NBAS: variants seen among roughly 807,000 people sequenced by gnomAD.
NBAS encodes NBAS subunit of NRZ tethering complex, also known as NAG/BC035112 fusion.
NBAS carries 219 observed loss-of-function variants against 302.5 expected under a neutral mutation model. The observed-to-expected ratio is 0.72, with a 90% confidence interval of 0.65 to 0.81. The LOEUF (loss-of-function observed/expected upper bound fraction) is 0.81. Ranked by LOEUF, NBAS falls within the 30% of genes least tolerant of loss-of-function variation. The probability of loss-of-function intolerance (pLI) is 0.00; values close to 1 mark genes in which losing one functional copy is unlikely to be tolerated. For synonymous variants in NBAS, 1,118 were observed against 1,021.6 expected (o/e 1.09, Z -1.80); for missense variants, 2,932 against 2,841.6 (o/e 1.03, Z -0.72).
At chr2:14,918,141 T>G in the NBAS span, among the ~76,000 whole-genome samples, 1 of 152,142 alleles carries the variant, frequency 6.6e-6, no homozygotes, top group South Asian at 2.1e-4. Flanking sequence ...CCCTGTTATC[T>G]ATCCTGAAGT....
At chr2:15,518,310 GA>G (rs1205947900) in intron 9 of NBAS, among the ~76,000 whole-genome samples, 25 of 152,000 alleles carry the variant, frequency 1.6e-4, no homozygotes, top group Admixed American at 1.4e-3. Context: ...ATAATTATTA[GA>G]TTTTTTTAAG....
intron 38 of NBAS, among the ~76,000 whole-genome samples, chr2:15,311,691 A>G (rs193296913): frequency 9.8e-5 from 15 of 152,322 alleles, no homozygotes; most frequent in African/African-American, 3.6e-4. Context: ...CTGCTTCTCA[A>G]CGAGCACTCA....
chr2:14,804,879 A>G, the NBAS span, among the ~76,000 whole-genome samples: 1 of 152,254 alleles, frequency 6.6e-6, no homozygotes, highest in Non-Finnish European at 1.5e-5. Flanking sequence ...AAAGATATTT[A>G]AAATTATTAA....
rs1054920179 is a variant in NBAS at position 15,287,985 on chromosome 2, A to G, written c.5028-802T>C. Among the ~76,000 whole-genome samples the G allele has an allele frequency of 4.0e-5, 6 of 150,340 alleles. No homozygotes were observed. The East Asian group carries it at 6.1e-4, about 15-fold the overall frequency. On this transcript the variant is annotated intron_variant, in intron 41 of 51. Transcript: ENST00000281513. The stretch of plus-strand genomic sequence containing the variant: ...GAGCACCGTGCGTAGGCAGCCCCGC[A>G]TGGGCATCCCGAGCACCCAGCGTGG...
At chr2:14,819,736 T>C in the NBAS span, among the ~76,000 whole-genome samples, 2 of 152,156 alleles carry the variant, frequency 1.3e-5, no homozygotes, top group African/African-American at 4.8e-5. Flanking sequence ...ACCCACAGAA[T>C]GGGAGAAAAT....
intron 26 of NBAS, 63 bp from the exon 27 acceptor site, chr2:15,396,538 T>C: frequency 1.8e-6 from 2 of 1,130,444 alleles, no homozygotes; most frequent in Non-Finnish European, 2.5e-6. Context: ...TTAAATAAAA[T>C]ACAAAACTTA....
chr2:15,110,188 T>C, the NBAS span, among the ~76,000 whole-genome samples: 1 of 152,044 alleles, frequency 6.6e-6, no homozygotes, highest in Non-Finnish European at 1.5e-5. Context: ...GCTCAGGACA[T>C]GCAGGCACCA....
At chr2:15,121,234 A>G in the NBAS span, among the ~76,000 whole-genome samples, 591 of 152,302 alleles carry the variant, frequency 3.9e-3, 2 homozygotes, top group African/African-American at 0.014. Flanking sequence ...GAACAAGCAT[A>G]CTATATCTTT....
the NBAS span, among the ~76,000 whole-genome samples, chr2:14,918,065 C>T: frequency 6.6e-6 from 1 of 152,116 alleles, no homozygotes; most frequent in Non-Finnish European, 1.5e-5. Flanking sequence ...GTGCTCCAGT[C>T]TTTGTGAGCT....
At chr2:15,344,220 TA>T (rs1296018378) in intron 35 of NBAS, among the ~76,000 whole-genome samples, 5 of 151,196 alleles carry the variant, frequency 3.3e-5, no homozygotes, top group Admixed American at 3.3e-4. Context: ...ATGGCTTTAA[TA>T]AAAAAAATTC....
the NBAS span, among the ~76,000 whole-genome samples, chr2:15,098,403 T>TGTATATAATATATA: frequency 5.5e-5 from 1 of 18,152 alleles, no homozygotes; most frequent in African/African-American, 1.3e-4. Flanking sequence ...TATTATATAT[T>TGTATATAATATATA]ATATATGATA....
In NBAS at chr2:15,539,322, T is replaced by C; in HGVS notation, c.414A>G (p.Val138=). The change falls in exon 7 of 52, where the codon GTA becomes GTG. Residue 138 remains valine (V), a synonymous_variant. Transcript: ENST00000281513. ...PKDPKPQWRR[V]AWSYDCTLLA... ...GTAGGGTACAATCGTAACTCCATGC[T>C]ACCCGTCTCCACTGGGGTTTCGGGT... The C allele has an allele frequency of 1.2e-6, 2 of 1,614,250 alleles. No homozygotes were observed. The highest frequency in any genetic ancestry group is 1.7e-6 in the Non-Finnish European group (2 of 1,180,044).
chr2:15,029,090 A>G, the NBAS span, among the ~76,000 whole-genome samples: 2 of 152,220 alleles, frequency 1.3e-5, no homozygotes, highest in African/African-American at 4.8e-5. Context: ...AGCCTGATGT[A>G]CAGTGTGTGT....
At chr2:15,173,179 TG>T (rs1362787339) in intron 51 of NBAS, among the ~76,000 whole-genome samples, 2 of 152,228 alleles carry the variant, frequency 1.3e-5, no homozygotes, top group African/African-American at 4.8e-5. Flanking sequence ...TGAGAATAAA[TG>T]ATACTTTACA....
At chr2:15,544,654 C>G (rs1664016918) in intron 6 of NBAS, among the ~76,000 whole-genome samples, 1 of 152,136 alleles carries the variant, frequency 6.6e-6, no homozygotes, top group Admixed American at 6.5e-5. Context: ...AACACACCTT[C>G]TATCCAAGAA....
intron 12 of NBAS, among the ~76,000 whole-genome samples, chr2:15,486,223 C>T (rs957710110): frequency 5.9e-5 from 9 of 152,206 alleles, no homozygotes; most frequent in East Asian, 1.9e-4. Flanking sequence ...ATGGCAACTA[C>T]GTCCATGGTT....
At chr2:15,241,183 C>G (rs897710750) in intron 44 of NBAS, among the ~76,000 whole-genome samples, 1 of 152,150 alleles carries the variant, frequency 6.6e-6, no homozygotes, top group Admixed American at 6.5e-5. Flanking sequence ...GAGTTTATAG[C>G]AGAGTGAATC....
the NBAS span, among the ~76,000 whole-genome samples, chr2:15,052,295 C>G: frequency 6.6e-6 from 1 of 152,202 alleles, no homozygotes; most frequent in Non-Finnish European, 1.5e-5. Context: ...TTTTCCTTGA[C>G]TCTAGTGGTT....
the NBAS span, among the ~76,000 whole-genome samples, chr2:15,094,473 A>G: frequency 6.6e-6 from 1 of 152,190 alleles, no homozygotes; most frequent in East Asian, 1.9e-4. Flanking sequence ...CATCTAAATT[A>G]GATATTGTAG....
Sources: gnomAD v4.1 joint callset for allele counts (sites outside exome capture counted in the v4.1 genomes callset) on GRCh38, gnomAD v4.1.1 for gene constraint, MANE v1.5 for transcripts, NCBI Gene and HGNC (gene_info 2026-07-23, HGNC 2026-07-21) for gene names.